The following ZMYM4 variants were observed in gnomAD, a reference collection of about 807,000 sequenced individuals.
The protein encoded by ZMYM4 is zinc finger MYM-type containing 4.
A neutral mutation model predicts 183.2 loss-of-function variants in ZMYM4; 31 were observed. The observed-to-expected ratio is 0.17, with a 90% CI of 0.13 to 0.23. The LOEUF is 0.23. Among genes scored for constraint, ZMYM4 ranks in the 10% least tolerant of loss-of-function variants. The pLI, the probability that ZMYM4 is intolerant of heterozygous loss-of-function variation, is 1.00. For missense variants in ZMYM4, 1,273 were observed against 1,840.3 expected (o/e 0.69, Z 5.64); for synonymous variants, 592 against 631.2 (o/e 0.94, Z 0.93).
intron 7 of ZMYM4, among the ~76,000 whole-genome samples, chr1:35,375,939 G>C (rs1318016640): frequency 6.6e-6 from 1 of 152,020 alleles, no homozygotes; most frequent in Non-Finnish European, 1.5e-5. Flanking sequence ...AACCAACTGT[G>C]GTGCCACATG....
intron 1 of ZMYM4, among the ~76,000 whole-genome samples, chr1:35,306,334 T>C (rs1278809602): frequency 1.3e-5 from 2 of 152,144 alleles, no homozygotes; most frequent in Non-Finnish European, 2.9e-5. Flanking sequence ...TAGGGCCTTG[T>C]CTTATATTTT....
chr1:35,348,383 A>G (rs1442176942), intron 2 of ZMYM4, among the ~76,000 whole-genome samples: 1 of 152,244 alleles, frequency 6.6e-6, no homozygotes, highest in Non-Finnish European at 1.5e-5. Flanking sequence ...TGTGTACACA[A>G]ACATTTCTTG....
At chr1:35,275,434 G>A (rs961353705) in intron 1 of ZMYM4, among the ~76,000 whole-genome samples, 1 of 151,954 alleles carries the variant, frequency 6.6e-6, no homozygotes, top group Non-Finnish European at 1.5e-5. Context: ...TCACCATGTT[G>A]GCCAGGCTGG....
intron 15 of ZMYM4, 98 bp from the exon 16 acceptor site, chr1:35,392,114 C>G: frequency 1.3e-6 from 2 of 1,512,980 alleles, no homozygotes; most frequent in South Asian, 2.4e-5. Context: ...ACAGAAATTA[C>G]TCAAACCTGA....
intron 7 of ZMYM4, among the ~76,000 whole-genome samples, chr1:35,375,785 A>C (rs1644321727): frequency 6.6e-6 from 1 of 152,198 alleles, no homozygotes; most frequent in Admixed American, 6.5e-5. Flanking sequence ...GTTTTAAAAA[A>C]TTTGTCTTGG....
chr1:35,303,775 T>A (rs975659583), intron 1 of ZMYM4, among the ~76,000 whole-genome samples: 3 of 152,222 alleles, frequency 2.0e-5, no homozygotes, highest in Non-Finnish European at 2.9e-5. Flanking sequence ...ATTTGATTGA[T>A]GTTTGCTTTT....
chr1:35,400,769 C>G (rs1644893331), intron 23 of ZMYM4, among the ~76,000 whole-genome samples: 1 of 152,194 alleles, frequency 6.6e-6, no homozygotes, highest in Non-Finnish European at 1.5e-5. Context: ...CAGTCAGCCC[C>G]TCTGGCTGCT....
intron 2 of ZMYM4, among the ~76,000 whole-genome samples, chr1:35,336,253 A>G (rs1303101410): frequency 2.0e-5 from 3 of 152,176 alleles, no homozygotes. Flanking sequence ...ATTCTGATAC[A>G]TGTAGCATGT....
intron 2 of ZMYM4, among the ~76,000 whole-genome samples, chr1:35,326,788 G>A (rs1477627937): frequency 6.6e-6 from 1 of 152,140 alleles, no homozygotes; most frequent in Non-Finnish European, 1.5e-5. Context: ...TAGAACATCT[G>A]GAGCAAACTC....
intron 2 of ZMYM4, among the ~76,000 whole-genome samples, chr1:35,327,599 T>C (rs963366149): frequency 6.6e-6 from 1 of 152,238 alleles, no homozygotes; most frequent in Admixed American, 6.5e-5. Flanking sequence ...CTCCTGATCT[T>C]CAGTGGATTT....
chr1:35,292,946 A>C (rs1640832167), intron 1 of ZMYM4, among the ~76,000 whole-genome samples: 2 of 152,270 alleles, frequency 1.3e-5, no homozygotes, highest in South Asian at 4.1e-4. Flanking sequence ...GGAGAAGGTG[A>C]AGTATTGTAG....
chr1:35,375,462 T>A (rs1644314669), intron 7 of ZMYM4, among the ~76,000 whole-genome samples: 1 of 152,186 alleles, frequency 6.6e-6, no homozygotes. Flanking sequence ...ATGCATTGTT[T>A]CTCTACATAG....
At position 35,421,407 on chromosome 1, in the gene ZMYM4, A is replaced by G. The variant is rs2149055949; in HGVS notation, c.*1730A>G. 1 of 152,742 alleles carries G rather than the reference A, an allele frequency of 6.5e-6. No individual in the cohort carries two copies. The highest frequency in any genetic ancestry group is 1.9e-4 in the East Asian group (1 of 5,186). The allele number at this position is 152,742 out of a possible 1,614,324, so 9.5% of individuals were successfully genotyped here. ...ACCTTGTTCGATATGGAGGACAAATAATTGGATTGTCTGATAAGTCTGCCA... is the reference window on the plus strand; with the variant it reads ...ACCTTGTTCGATATGGAGGACAAATGATTGGATTGTCTGATAAGTCTGCCA... On this transcript the variant is annotated 3_prime_UTR_variant, in exon 30 of 30. Transcript: ENST00000314607.
intron 28 of ZMYM4, among the ~76,000 whole-genome samples, chr1:35,416,721 G>A (rs551275346): frequency 2.6e-5 from 4 of 152,198 alleles, no homozygotes; most frequent in African/African-American, 4.8e-5. Context: ...GTGCTACCAC[G>A]CCTGGCTAAT....
rs565666316 is a variant in ZMYM4, at chr1:35,405,047, G to C, written c.3553G>C (p.Val1185Leu). Residue 1185 changes from valine to leucine, a missense_variant, in exon 24 of 30, where the codon GTG becomes CTG. Val to Leu is a conservative substitution (Grantham distance 32). Coordinates refer to ENST00000314607, the MANE Select transcript of ZMYM4 (RefSeq NM_005095.3). ...GGGACGGAAGAAGTCTATAGTGGCT[G>C]TGGAGCCCAGGAGTCTTATTCAAGG... ...RRGRKKSIVAVEPRSLIQGAF... is the reference protein window; with the variant it reads ...RRGRKKSIVALEPRSLIQGAF... 9.3e-6 allele frequency: 15 copies of C among 1,612,350 alleles called. No homozygotes were observed. The African/African-American group carries it at 1.7e-4, about 19-fold the overall frequency.
At chr1:35,379,665 C>T (rs539470926) in intron 7 of ZMYM4, among the ~76,000 whole-genome samples, 12 of 152,358 alleles carry the variant, frequency 7.9e-5, no homozygotes, top group Middle Eastern at 3.4e-3. Flanking sequence ...ACATGCCTTC[C>T]TCACTAAGAG....
At chr1:35,414,148 T>G in intron 27 of ZMYM4, 65 bp downstream of exon 27, 1 of 1,007,454 alleles carries the variant, frequency 9.9e-7, no homozygotes. Flanking sequence ...CTTTTTTGGT[T>G]ATCTTTAAAA....
rs1250068622 is a variant in ZMYM4 at position 35,397,956 on chromosome 1, T to A, written c.3199+411T>A. Reference sequence around the variant, plus strand: ...TGATAGATAGATCTCATACTACTAGTGTGGAATCATGATAAAAACAATAGT... The same window carrying A: ...TGATAGATAGATCTCATACTACTAGAGTGGAATCATGATAAAAACAATAGT... On this transcript the variant is annotated intron_variant, in intron 20 of 29. Coordinates refer to ENST00000314607, the MANE Select transcript of ZMYM4 (RefSeq NM_005095.3). Among the ~76,000 whole-genome samples the A allele has an allele frequency of 2.0e-5, 3 of 152,186 alleles. No individual in the cohort carries two copies. In the East Asian group the frequency reaches 5.8e-4, roughly 29 times the overall value.
intron 5 of ZMYM4, among the ~76,000 whole-genome samples, chr1:35,362,288 G>GAT (rs755857784): frequency 6.6e-6 from 1 of 152,216 alleles, no homozygotes; most frequent in Non-Finnish European, 1.5e-5. Flanking sequence ...TTTGATGAAT[G>GAT]ATACATGATT....
Sources: allele counts gnomAD v4.1 joint callset (sites outside exome capture counted in the v4.1 genomes callset), GRCh38; gene constraint gnomAD v4.1.1; transcripts MANE v1.5; gene names NCBI Gene and HGNC (gene_info 2026-07-23, HGNC 2026-07-21).